Variants in WHAMM observed in about 807,000 individuals in gnomAD.
WHAMM encodes WASP homolog-associated protein with actin, membranes and microtubules.
Under a neutral mutation model 76.5 loss-of-function variants are expected in WHAMM, and 67 were observed. The observed-to-expected ratio is 0.88, with a 90% confidence interval of 0.72 to 1.07. The LOEUF (loss-of-function observed/expected upper bound fraction) is 1.07, where lower values mean the gene tolerates loss of function less well. WHAMM is among the 50% of genes least tolerant of loss of function. The probability of loss-of-function intolerance (pLI) is 0.00; values close to 1 mark genes in which losing one functional copy is unlikely to be tolerated. For synonymous variants in WHAMM, 419 were observed against 422.1 expected, an observed-to-expected ratio of 0.99 and a Z score of 0.09; for missense variants, 1,021 against 1,051.1, an observed-to-expected ratio of 0.97 and a Z score of 0.40.
chr15:82,826,328 G>T, intron 6 of WHAMM, 82 bp from the exon 7 acceptor site: 1 of 1,446,224 alleles, frequency 6.9e-7, no homozygotes, highest in Non-Finnish European at 9.7e-7. Flanking sequence ...TAGCCCAAAT[G>T]CAGTGCTTTT....
At chr15:82,821,528 A>G (rs1407675586) in intron 5 of WHAMM, among the ~76,000 whole-genome samples, 19 of 152,142 alleles carry the variant, frequency 1.2e-4, no homozygotes, top group Admixed American at 1.1e-3. Flanking sequence ...TAAACATTAG[A>G]TTGACTTTGG....
Position 82,830,807 on chromosome 15 carries a change from C to T in WHAMM, c.1850C>T (p.Pro617Leu), listed in dbSNP as rs370036421. 10 of 1,611,104 alleles carry T rather than the reference C, an allele frequency of 6.2e-6. No homozygotes were observed. In the Admixed American group the frequency reaches 1.7e-4, roughly 27 times the overall value. ...TGTCAAAACTGTCATGGAAATATCC[C>T]TGTCCAGGTTTTTGTTCCAGTTGGT... is the stretch of plus-strand genomic sequence containing the variant. ...PKCQNCHGNIPVQVFVPVGDQ... is the reference protein window; with the variant it reads ...PKCQNCHGNILVQVFVPVGDQ... The change falls in exon 9 of 10, where the codon CCT becomes CTT. Residue 617 changes from proline to leucine, a missense_variant. Transcript: ENST00000286760.
At position 82,821,174 on chromosome 15, in the gene WHAMM, A is replaced by G. The variant is rs76555783; in HGVS notation, c.1270+1686A>G. ...TTCCACATTAAAAATAATATCCTCT[A>G]TTGTCTGTCATATGTTGCAAATAAT... On this transcript the variant is annotated intron_variant, in intron 5 of 9. Transcript: ENST00000286760. Among the ~76,000 whole-genome samples, 240 of 152,040 alleles carry G rather than the reference A, an allele frequency of 1.6e-3. 3 individuals are homozygous for G. The East Asian group carries it at 0.039, about 25-fold the overall frequency.
At chr15:82,817,235 C>G (rs2050741375) in intron 3 of WHAMM, among the ~76,000 whole-genome samples, 1 of 152,136 alleles carries the variant, frequency 6.6e-6, no homozygotes. Context: ...AATAGCACTG[C>G]CAAAAGTCCC....
At chr15:82,828,909 G>A (rs1269558499) in intron 8 of WHAMM, among the ~76,000 whole-genome samples, 1 of 152,160 alleles carries the variant, frequency 6.6e-6, no homozygotes, top group Non-Finnish European at 1.5e-5. Context: ...CCTGTGTGAC[G>A]AAAGCTCATG....
rs1402983149 is a variant in WHAMM at position 82,833,777 on chromosome 15, C to T, written c.*241C>T. 2.6e-5 allele frequency: 13 copies of T among 491,546 alleles called. No individual in the cohort carries two copies. The highest frequency in any genetic ancestry group is 4.0e-5 in the Non-Finnish European group (11 of 274,894). The allele number at this position is 491,546 out of a possible 1,614,324, so 30.4% of individuals were successfully genotyped here. On this transcript the variant is annotated 3_prime_UTR_variant, in exon 10 of 10. Coordinates refer to ENST00000286760, the MANE Select transcript of WHAMM (RefSeq NM_001080435.3). Reference sequence around the variant, plus strand: ...CCATCTCGGCTCACCGCAAGCTCCGCTTCCCAGGCTGGGGTGCAGTGGTGC... The same window carrying T: ...CCATCTCGGCTCACCGCAAGCTCCGTTTCCCAGGCTGGGGTGCAGTGGTGC...
In WHAMM at chr15:82,823,286, A is replaced by C; in HGVS notation, c.1457A>C (p.Lys486Thr). The change falls in exon 6 of 10, where the codon AAG (lysine) becomes ACG (threonine). Residue 486 changes from lysine to threonine, a missense_variant and splice_region_variant. Physicochemically the swap from Lys to Thr is moderately conservative, Grantham distance 78. Around this residue, in one of 3 missense-constraint regions of WHAMM, gnomAD observed 509 missense variants for 492.3 expected, o/e 1.03. Transcript: ENST00000286760. ...AAAAGAGCCTCTCTCCGGAGTAGAAAGGTAGGTACGCTCAGAGCGGCTTTC... is the reference window on the plus strand; with the variant it reads ...AAAAGAGCCTCTCTCCGGAGTAGAACGGTAGGTACGCTCAGAGCGGCTTTC... ...CAKRASLRSR[K>T]DQCKENHRFR... is the part of the protein sequence containing the mutation. 6.7e-7 allele frequency: 1 copy of C among 1,495,336 alleles called. No homozygotes were observed. Among genetic ancestry groups the C allele is most frequent in the African/African-American group, 1.4e-5 (1 of 71,224 alleles). 92.6% of individuals were successfully genotyped at this position (1,495,336 alleles called of 1,614,324 possible). A position where few individuals can be genotyped will look rare whatever the true frequency, so the allele number is the denominator to read the frequency against.
chr15:82,825,193 T>C (rs2050909905), intron 6 of WHAMM, among the ~76,000 whole-genome samples: 1 of 152,208 alleles, frequency 6.6e-6, no homozygotes, highest in South Asian at 2.1e-4. Flanking sequence ...GTTTAAGAAT[T>C]GTACTTCTGG....
intron 1 of WHAMM, among the ~76,000 whole-genome samples, chr15:82,812,658 T>A (rs1370378995): frequency 6.6e-6 from 1 of 152,226 alleles, no homozygotes; most frequent in Non-Finnish European, 1.5e-5. Context: ...TAGTTGAGAT[T>A]AAACTTTGCA....
intron 8 of WHAMM, among the ~76,000 whole-genome samples, chr15:82,827,697 C>T (rs532608649): frequency 6.6e-6 from 1 of 152,292 alleles, no homozygotes; most frequent in East Asian, 1.9e-4. Context: ...GTAATCCCAG[C>T]ACTTTGGGAG....
intron 8 of WHAMM, among the ~76,000 whole-genome samples, chr15:82,830,250 T>C (rs2051004008): frequency 1.3e-5 from 2 of 152,144 alleles, no homozygotes; most frequent in South Asian, 4.2e-4. Flanking sequence ...CTTAATATTT[T>C]GAATAGATTT....
At chr15:82,818,939 C>A (rs1411960450) in intron 4 of WHAMM, among the ~76,000 whole-genome samples, 1 of 152,186 alleles carries the variant, frequency 6.6e-6, no homozygotes, top group African/African-American at 2.4e-5. Flanking sequence ...TCTTTCTCTT[C>A]TAATAAAGGC....
rs2050935812 is a variant in WHAMM at position 82,826,476 on chromosome 15, C to G, written c.1525C>G (p.Gln509Glu). Residue 509 changes from glutamine (Q) to glutamate (E), a missense_variant, in exon 7 of 10, where the codon CAG becomes GAG. Physicochemically the swap from Gln to Glu is conservative, Grantham distance 29. Coordinates refer to ENST00000286760, the MANE Select transcript of WHAMM (RefSeq NM_001080435.3). The part of the protein sequence containing the change: ...QAEESIRYSR[Q>E]HHSIQMKRDK... The stretch of plus-strand genomic sequence containing the variant: ...TGAAGAAAGCATAAGATACTCTCGT[C>G]AGCATCACAGTATTCAGATGGTGAG... 1 of 1,613,944 alleles carries G rather than the reference C, an allele frequency of 6.2e-7. No homozygotes were observed. Among genetic ancestry groups the G allele is most frequent in the Non-Finnish European group, 8.5e-7 (1 of 1,179,834 alleles).
intron 1 of WHAMM, 138 bp from the exon 2 acceptor site, chr15:82,812,965 A>G (rs2050655090): frequency 4.7e-6 from 3 of 638,454 alleles, no homozygotes; most frequent in Admixed American, 3.9e-5. Context: ...GGATGATAAC[A>G]TTTTCATATT....
chr15:82,809,945 C>A lies in WHAMM; in HGVS notation c.219C>A (p.Val73=). The A allele has an allele frequency of 7.1e-7, 1 of 1,415,278 alleles. No homozygotes were observed. 87.7% of individuals were successfully genotyped at this position (1,415,278 alleles called of 1,614,324 possible). ...CCGAGCCCAAGCCTGAGGCCGCCGT[C>A]TCCCCGTCCAGCTGGGCCGGCCTGC... is the stretch of plus-strand genomic sequence containing the variant. The part of the protein sequence containing the change: ...PEPEPKPEAA[V]SPSSWAGLLS... Residue 73 remains valine (V), a synonymous_variant, in exon 1 of 10, where the codon GTC becomes GTA. Coordinates refer to ENST00000286760, the MANE Select transcript of WHAMM (RefSeq NM_001080435.3).
chr15:82,830,793 T>C lies in WHAMM; in HGVS notation c.1836T>C (p.Cys612=). 6.2e-7 allele frequency: 1 copy of C among 1,613,434 alleles called. No homozygotes were observed. The highest frequency in any genetic ancestry group is 8.5e-7 in the Non-Finnish European group (1 of 1,179,610). Residue 612 remains cysteine (C), a synonymous_variant, in exon 9 of 10, where the codon TGT becomes TGC. Coordinates refer to ENST00000286760, the MANE Select transcript of WHAMM (RefSeq NM_001080435.3). The part of the protein sequence containing the change: ...GNVKSPKCQN[C]HGNIPVQVFV... ...TGAAAAGCCCCAAGTGTCAAAACTGTCATGGAAATATCCCTGTCCAGGTTT... is the reference window on the plus strand; with the variant it reads ...TGAAAAGCCCCAAGTGTCAAAACTGCCATGGAAATATCCCTGTCCAGGTTT...
chr15:82,831,158 T>G (rs1566999509), intron 9 of WHAMM, 79 bp downstream of exon 9: 13 of 1,520,402 alleles, frequency 8.6e-6, no homozygotes, highest in Non-Finnish European at 1.1e-5. Flanking sequence ...AGCCATCATC[T>G]TCAAATGGAA....
chr15:82,815,795 T>C (rs2050716935), intron 2 of WHAMM, among the ~76,000 whole-genome samples: 1 of 152,232 alleles, frequency 6.6e-6, no homozygotes, highest in Non-Finnish European at 1.5e-5. Flanking sequence ...TGGTTTTGAT[T>C]TGTAATTCCT....
intron 5 of WHAMM, among the ~76,000 whole-genome samples, chr15:82,820,500 CAAT>C (rs1246988353): frequency 6.6e-6 from 1 of 152,136 alleles, no homozygotes; most frequent in East Asian, 1.9e-4. Context: ...CATAACAGTA[CAAT>C]AATCATCTGA....
Sources: allele counts gnomAD v4.1 joint callset (sites outside exome capture counted in the v4.1 genomes callset), GRCh38; gene constraint gnomAD v4.1.1; regional missense constraint gnomAD v4.1.1; transcripts MANE v1.5; gene names NCBI Gene and HGNC (gene_info 2026-07-23, HGNC 2026-07-21).